AQP7B: variants seen among roughly 807,000 people sequenced by gnomAD.
AQP7B encodes the protein putative aquaporin-7B.
At chr2:94,603,720 G>A in the AQP7B span, 1 of 1,493,342 alleles carries the variant, frequency 6.7e-7, no homozygotes, top group Non-Finnish European at 9.1e-7. Context: ...AGGAGTGGCT[G>A]ACCAGGATGC....
At chr2:94,597,474 G>A in the AQP7B span, among the ~76,000 whole-genome samples, 12,116 of 152,172 alleles carry the variant, frequency 0.08, 745 homozygotes, top group Non-Finnish European at 0.11. Context: ...CCATGCAATA[G>A]CCCTGTGAAG....
chr2:94,594,927 C>A, the AQP7B span: 477 of 1,064,214 alleles, frequency 4.5e-4, 3 homozygotes, highest in East Asian at 8.6e-3. Flanking sequence ...CTGTCCATGA[C>A]CCCCTCCCCA....
At chr2:94,603,214 G>C in the AQP7B span, 3 of 1,447,080 alleles carry the variant, frequency 2.1e-6, no homozygotes, top group South Asian at 3.7e-5. Context: ...GGCCTCAGCC[G>C]CCTCCTATGA....
the AQP7B span, among the ~76,000 whole-genome samples, chr2:94,596,492 G>T: frequency 6.6e-6 from 1 of 152,184 alleles, no homozygotes; most frequent in African/African-American, 2.4e-5. Flanking sequence ...TCAAGGGAGA[G>T]AGGAAATCGG....
the AQP7B span, chr2:94,594,885 G>C: frequency 2.0e-6 from 3 of 1,480,922 alleles, no homozygotes; most frequent in Admixed American, 5.1e-5. Context: ...TGAGTGGGTG[G>C]GCAGCACGAA....
chr2:94,603,646 G>A, the AQP7B span: 1 of 1,309,910 alleles, frequency 7.6e-7, no homozygotes, highest in Admixed American at 2.5e-5. Context: ...TTGGGTCTGG[G>A]CCACTGCCGA....
the AQP7B span, among the ~76,000 whole-genome samples, chr2:94,602,339 A>G: frequency 6.6e-6 from 1 of 151,844 alleles, no homozygotes; most frequent in African/African-American, 2.4e-5. Context: ...TGAGGAGGGA[A>G]GGCTCTGGAG....
chr2:94,604,035 C>T, the AQP7B span: 13 of 765,874 alleles, frequency 1.7e-5, no homozygotes, highest in Admixed American at 2.9e-4. Flanking sequence ...TCCTGCAGAG[C>T]CCCCAGGTGG....
chr2:94,590,248 T>C, the AQP7B span, among the ~76,000 whole-genome samples: 2 of 152,250 alleles, frequency 1.3e-5, no homozygotes, highest in Admixed American at 6.5e-5. Flanking sequence ...AGTGGCATGA[T>C]CTCGGCTCAC....
At chr2:94,590,421 C>G in the AQP7B span, among the ~76,000 whole-genome samples, 1 of 152,040 alleles carries the variant, frequency 6.6e-6, no homozygotes, top group Non-Finnish European at 1.5e-5. Context: ...CTCCTGACCT[C>G]AAGTGATCCA....
chr2:94,601,700 G>A, the AQP7B span, among the ~76,000 whole-genome samples: 1 of 152,160 alleles, frequency 6.6e-6, no homozygotes, highest in African/African-American at 2.4e-5. Flanking sequence ...GCTGGGCAGG[G>A]GTGGGACAGT....
At chr2:94,602,783 G>A in the AQP7B span, among the ~76,000 whole-genome samples, 6 of 152,276 alleles carry the variant, frequency 3.9e-5, no homozygotes, top group East Asian at 1.2e-3. Flanking sequence ...GTCTGCCCCA[G>A]ATTCTTTCTG....
At chr2:94,595,510 G>C in the AQP7B span, among the ~76,000 whole-genome samples, 1 of 152,124 alleles carries the variant, frequency 6.6e-6, no homozygotes, top group South Asian at 2.1e-4. Context: ...TAATGAATCT[G>C]GAGGGCAATG....
the AQP7B span, among the ~76,000 whole-genome samples, chr2:94,592,091 G>A: frequency 1.3e-5 from 2 of 152,140 alleles, no homozygotes; most frequent in Admixed American, 6.5e-5. Flanking sequence ...GTGGTGATGA[G>A]GAAGGAGCCA....
chr2:94,593,566 A>C, the AQP7B span, among the ~76,000 whole-genome samples: 1 of 148,902 alleles, frequency 6.7e-6, no homozygotes, highest in South Asian at 2.2e-4. Flanking sequence ...GCTCACTGCA[A>C]CCTCCATCTC....
At chr2:94,596,430 A>G in the AQP7B span, among the ~76,000 whole-genome samples, 2 of 152,160 alleles carry the variant, frequency 1.3e-5, no homozygotes, top group Non-Finnish European at 2.9e-5. Flanking sequence ...GCATGGCTAG[A>G]GGAAGGTGGG....
the AQP7B span, among the ~76,000 whole-genome samples, chr2:94,597,882 G>A: frequency 2.6e-5 from 4 of 152,232 alleles, no homozygotes; most frequent in African/African-American, 9.6e-5. Context: ...TGGGATTACA[G>A]GCATGAGTCA....
the AQP7B span, among the ~76,000 whole-genome samples, chr2:94,597,836 T>C: frequency 1.3e-5 from 2 of 152,090 alleles, no homozygotes; most frequent in South Asian, 2.1e-4. Context: ...AACTCCTGAC[T>C]TCAAGTGATC....
At chr2:94,600,063 G>C in the AQP7B span, among the ~76,000 whole-genome samples, 1 of 151,790 alleles carries the variant, frequency 6.6e-6, no homozygotes, top group Non-Finnish European at 1.5e-5. Flanking sequence ...ATTATTAGTA[G>C]AGACGGGGTT....
Sources: gnomAD v4.1 joint callset for allele counts (sites outside exome capture counted in the v4.1 genomes callset) on GRCh38, gnomAD v4.1.1 for gene constraint, MANE v1.5 for transcripts, NCBI Gene and HGNC (gene_info 2026-07-23, HGNC 2026-07-21) for gene names.